ASZ1: variants seen among roughly 807,000 people sequenced by gnomAD.
The protein encoded by ASZ1 is ankyrin repeat, SAM and basic leucine zipper domain containing 1.
In ASZ1, 67 loss-of-function variants were observed where a neutral mutation model predicts 61.8. The ratio of observed to expected loss-of-function variants is 1.08; its 90% CI spans 0.89 to 1.33. The LOEUF (loss-of-function observed/expected upper bound fraction) is 1.33, where lower values mean the gene tolerates loss of function less well. ASZ1 is among the 40% of genes most tolerant of loss of function. The pLI, the probability that ASZ1 is intolerant of heterozygous loss-of-function variation, is 0.00. For missense variants in ASZ1, 577 were observed against 554.5 expected, an observed-to-expected ratio of 1.04 and a Z score of -0.41; for synonymous variants, 193 against 192.7, an observed-to-expected ratio of 1.00 and a Z score of -0.01.
chr7:117,387,007 A>T (rs927303013), intron 4 of ASZ1, among the ~76,000 whole-genome samples: 3 of 151,966 alleles, frequency 2.0e-5, no homozygotes, highest in Non-Finnish European at 4.4e-5. Flanking sequence ...ACATAAAAAA[A>T]TATATACAAC....
At chr7:117,412,039 AGTGTGTGTGTGTGT>A (rs57672347) in intron 4 of ASZ1, among the ~76,000 whole-genome samples, 5 of 128,372 alleles carry the variant, frequency 3.9e-5, no homozygotes, top group Admixed American at 7.9e-5. Flanking sequence ...AGTGAAAAGA[AGTGTGTGTGTGTGT>A]GTGTGTGTGT....
In ASZ1 at chr7:117,413,823, A is replaced by C. The variant is rs563415799; in HGVS notation, c.440+6340T>G. ...AAAGAATTACAGAGCTGACACAAAA[A>C]TAGTTATAAATAAACTTTAAAAATC... On this transcript the variant is annotated intron_variant, in intron 4 of 12. Transcript: ENST00000284629. 6.6e-5 allele frequency among the ~76,000 whole-genome samples: 10 copies of C among 152,238 alleles called. No individual in the cohort carries two copies. The East Asian group carries it at 1.9e-3, about 29-fold the overall frequency.
intron 10 of ASZ1, among the ~76,000 whole-genome samples, chr7:117,372,803 TG>T (rs1352587086): frequency 2.0e-5 from 3 of 152,204 alleles, no homozygotes; most frequent in African/African-American, 7.2e-5. Context: ...GTTTTTCCTA[TG>T]GATATATATA....
chr7:117,422,421 T>G, intron 2 of ASZ1, 62 bp from the exon 3 acceptor site: 1 of 1,558,660 alleles, frequency 6.4e-7, no homozygotes, highest in African/African-American at 1.4e-5. Context: ...ATCAGTCACC[T>G]TATATGCTTA....
intron 4 of ASZ1, among the ~76,000 whole-genome samples, chr7:117,398,270 G>A (rs1283460178): frequency 6.6e-6 from 1 of 152,182 alleles, no homozygotes; most frequent in Middle Eastern, 3.4e-3. Context: ...GATGTCTCAC[G>A]CTCAAGGCCT....
At chr7:117,423,223 T>C (rs1160052503) in intron 2 of ASZ1, among the ~76,000 whole-genome samples, 1 of 152,106 alleles carries the variant, frequency 6.6e-6, no homozygotes, top group Non-Finnish European at 1.5e-5. Flanking sequence ...TGTTTGTTTG[T>C]ATTTTGTTGT....
intron 10 of ASZ1, among the ~76,000 whole-genome samples, chr7:117,372,227 C>T (rs1173771149): frequency 6.6e-6 from 1 of 152,206 alleles, no homozygotes; most frequent in Non-Finnish European, 1.5e-5. Flanking sequence ...CATGTCTTTT[C>T]TACAGAGCTA....
At chr7:117,411,470 A>G (rs1796888191) in intron 4 of ASZ1, among the ~76,000 whole-genome samples, 1 of 151,830 alleles carries the variant, frequency 6.6e-6, no homozygotes. Context: ...TCAAACCACA[A>G]AGCCTAACAA....
At chr7:117,385,891 C>T (rs1796346383) in intron 4 of ASZ1, 82 bp from the exon 5 acceptor site, 1 of 1,076,358 alleles carries the variant, frequency 9.3e-7, no homozygotes, top group South Asian at 1.4e-5. Flanking sequence ...ATACACAATA[C>T]CACCAGTACT....
chr7:117,406,084 T>C (rs1338942415), intron 4 of ASZ1, among the ~76,000 whole-genome samples: 1 of 152,208 alleles, frequency 6.6e-6, no homozygotes, highest in East Asian at 1.9e-4. Flanking sequence ...CATAGGGTCA[T>C]TATCAGAGTA....
In ASZ1 at chr7:117,410,297, T is replaced by G. The variant is rs868693357; in HGVS notation, c.440+9866A>C. ...CTTATCTTATACCATAAATGAAAAATAAAAGTTCAGTTTCAGAAGTTAGCA... is the reference window on the plus strand; with the variant it reads ...CTTATCTTATACCATAAATGAAAAAGAAAAGTTCAGTTTCAGAAGTTAGCA... On this transcript the variant is annotated intron_variant, in intron 4 of 12. Coordinates refer to ENST00000284629, the MANE Select transcript of ASZ1 (RefSeq NM_130768.3). Among the ~76,000 whole-genome samples the G allele has an allele frequency of 5.3e-4, 81 of 151,732 alleles. 1 individual carries two copies. The highest frequency in any genetic ancestry group is 1.8e-3 in the African/African-American group (75 of 41,498).
At position 117,425,422 on chromosome 7, in the gene ASZ1, C is replaced by T. The variant is rs563303335; in HGVS notation, c.205+1414G>A. Among the ~76,000 whole-genome samples, 219 of 151,830 alleles carry T rather than the reference C, an allele frequency of 1.4e-3. 1 individual carries two copies. The highest frequency in any genetic ancestry group is 2.8e-3 in the Non-Finnish European group (187 of 67,876). ...CTGGGACTACAGGCGCCCGCCACCA[C>T]GCCCAGCTAATTTTTTTTGTGTTTT... is the stretch of plus-strand genomic sequence containing the variant. On this transcript the variant is annotated intron_variant, in intron 2 of 12. Coordinates refer to ENST00000284629, the MANE Select transcript of ASZ1 (RefSeq NM_130768.3).
intron 10 of ASZ1, among the ~76,000 whole-genome samples, chr7:117,377,197 T>C (rs547684428): frequency 7.2e-5 from 11 of 151,950 alleles, no homozygotes; most frequent in African/African-American, 2.2e-4. Context: ...GAAATATGCA[T>C]GAGATCTGTA....
At chr7:117,418,210 C>T (rs748397020) in intron 4 of ASZ1, among the ~76,000 whole-genome samples, 1 of 152,144 alleles carries the variant, frequency 6.6e-6, no homozygotes, top group African/African-American at 2.4e-5. Context: ...TATCTCATGC[C>T]ACTTCTAAAG....
At chr7:117,425,259 CT>C (rs71148368) in intron 2 of ASZ1, among the ~76,000 whole-genome samples, 14 of 93,864 alleles carry the variant, frequency 1.5e-4, no homozygotes, top group Admixed American at 4.9e-4. Flanking sequence ...TGAGTAATTT[CT>C]TTTTTTTTTT....
intron 4 of ASZ1, among the ~76,000 whole-genome samples, chr7:117,386,415 G>A (rs922815981): frequency 1.1e-4 from 16 of 152,148 alleles, no homozygotes; most frequent in African/African-American, 3.9e-4. Flanking sequence ...TTCTGGGAGA[G>A]GATAGTGGTT....
chr7:117,415,951 GA>G (rs1188433921), intron 4 of ASZ1, among the ~76,000 whole-genome samples: 1 of 152,214 alleles, frequency 6.6e-6, no homozygotes, highest in Non-Finnish European at 1.5e-5. Context: ...AACACTTTGG[GA>G]GGCCAAGGCA....
In ASZ1 at chr7:117,363,460, C is replaced by T. The variant is rs1294194332; in HGVS notation, c.*136G>A. 4.4e-6 allele frequency: 3 copies of T among 674,240 alleles called. No individual in the cohort carries two copies. The highest frequency in any genetic ancestry group is 6.4e-6 in the Non-Finnish European group (3 of 471,816). The allele number at this position is 674,240 out of a possible 1,614,324, so 41.8% of individuals were successfully genotyped here. A position where few individuals can be genotyped will look rare whatever the true frequency, so the allele number is the denominator to read the frequency against. On this transcript the variant is annotated 3_prime_UTR_variant, in exon 13 of 13. Transcript: ENST00000284629. Reference sequence around the variant, plus strand: ...TAACAAACCACTTTTTAAAAAAAAACTCCACATTGTCAAAATTTTTCCTAT... The same window carrying T: ...TAACAAACCACTTTTTAAAAAAAAATTCCACATTGTCAAAATTTTTCCTAT...
rs77604177 is a variant in ASZ1, at chr7:117,415,394, C to T, written c.440+4769G>A. On this transcript the variant is annotated intron_variant, in intron 4 of 12. Coordinates refer to ENST00000284629, the MANE Select transcript of ASZ1 (RefSeq NM_130768.3). The stretch of plus-strand genomic sequence containing the variant: ...ATACTACACACCCAATTATCACTGA[C>T]GGATCTGTCTCAATTATCAGATTGA... Among the ~76,000 whole-genome samples the T allele has an allele frequency of 4.9e-3, 747 of 152,246 alleles. 5 individuals carry two copies. Among genetic ancestry groups the T allele is most frequent in the African/African-American group, 0.016 (684 of 41,538 alleles).
Sources: allele counts gnomAD v4.1 joint callset (sites outside exome capture counted in the v4.1 genomes callset), GRCh38; gene constraint gnomAD v4.1.1; transcripts MANE v1.5; gene names NCBI Gene and HGNC (gene_info 2026-07-23, HGNC 2026-07-21).